TNKS: variants seen among roughly 807,000 people sequenced by gnomAD.
TNKS encodes tankyrase.
Under a neutral mutation model 135.8 loss-of-function variants are expected in TNKS, and 72 were observed. That is an observed-to-expected ratio of 0.53 (90% confidence interval 0.44 to 0.64). The LOEUF (loss-of-function observed/expected upper bound fraction) is 0.64. TNKS is among the 30% of genes least tolerant of loss of function. The pLI is 0.00. For missense variants in TNKS, 1,769 were observed against 1,674.0 expected, an observed-to-expected ratio of 1.06 and a Z score of -0.99; for synonymous variants, 849 against 649.3, an observed-to-expected ratio of 1.31 and a Z score of -4.68.
chr8:9,629,449 A>T (rs1340987893), intron 3 of TNKS, among the ~76,000 whole-genome samples: 1 of 152,186 alleles, frequency 6.6e-6, no homozygotes, highest in Non-Finnish European at 1.5e-5. Flanking sequence ...TCACTTGGAA[A>T]AACATTCAGA....
chr8:9,661,457 A>G (rs1281095837), intron 3 of TNKS, among the ~76,000 whole-genome samples: 3 of 152,090 alleles, frequency 2.0e-5, no homozygotes, highest in African/African-American at 7.2e-5. Context: ...GATTTTTGAC[A>G]AGCCTGACAA....
intron 17 of TNKS, chr8:9,741,712 G>T (rs772224433): frequency 1.9e-6 from 1 of 529,800 alleles, no homozygotes; most frequent in East Asian, 5.5e-5. Context: ...CCACTGTGAA[G>T]ACAGTAAAAT....
At chr8:9,556,718 A>G (rs34848926) in intron 1 of TNKS, 106 bp downstream of exon 1, 6 of 1,307,472 alleles carry the variant, frequency 4.6e-6, no homozygotes, top group African/African-American at 4.5e-5. Context: ...GGGCGTGGTT[A>G]TGGTTCTTCA....
chr8:9,708,288 T>G lies in TNKS; in HGVS notation c.1457-83T>G, dbSNP rs868278108. The G allele has an allele frequency of 1.6e-5, 19 of 1,169,176 alleles. No homozygotes were observed. The African/African-American group carries it at 1.9e-4, about 12-fold the overall frequency. The allele number at this position is 1,169,176 out of a possible 1,614,324, so 72.4% of individuals were successfully genotyped here. Reference sequence around the variant, plus strand: ...AATAGAGAAATTCATAAAATAATAATATTCCTACTTATTTATAATCATGCT... The same window carrying G: ...AATAGAGAAATTCATAAAATAATAAGATTCCTACTTATTTATAATCATGCT... On this transcript the variant is annotated intron_variant, in intron 8 of 26. Transcript: ENST00000310430.
intron 1 of TNKS, among the ~76,000 whole-genome samples, chr8:9,570,827 C>T (rs1797728401): frequency 6.6e-6 from 1 of 152,014 alleles, no homozygotes; most frequent in Non-Finnish European, 1.5e-5. Context: ...TACTGTATAC[C>T]CAGTGTGGTG....
intron 5 of TNKS, among the ~76,000 whole-genome samples, chr8:9,704,433 C>G (rs1803955609): frequency 6.6e-6 from 1 of 152,040 alleles, no homozygotes; most frequent in South Asian, 2.1e-4. Flanking sequence ...GGTTTGATTA[C>G]TGATGGCCTT....
At chr8:9,575,375 C>A in intron 1 of TNKS, 3 of 985,092 alleles carry the variant, frequency 3.0e-6, no homozygotes, top group Non-Finnish European at 3.6e-6. Flanking sequence ...CCGCGCCCGG[C>A]GGATAATTTT....
In TNKS at chr8:9,715,977, C is replaced by T. The variant is rs772472798; in HGVS notation, c.1750-4397C>T. 5.9e-5 allele frequency among the ~76,000 whole-genome samples: 9 copies of T among 152,256 alleles called. No homozygotes were observed. In the South Asian group the frequency reaches 6.2e-4, roughly 11 times the overall value. ...CTGCTCTCATTATTAAGAAAACTTA[C>T]GCCCCAACTGCATATGGTATTCAAG... is the stretch of plus-strand genomic sequence containing the variant. On this transcript the variant is annotated intron_variant, in intron 11 of 26. Coordinates refer to ENST00000310430, the MANE Select transcript of TNKS (RefSeq NM_003747.3).
At chr8:9,634,080 CATATATAT>C (rs35243166) in intron 3 of TNKS, among the ~76,000 whole-genome samples, 4 of 142,202 alleles carry the variant, frequency 2.8e-5, no homozygotes, top group East Asian at 2.0e-4. Context: ...CATTTAACTG[CATATATAT>C]ATATATATAT....
At position 9,708,507 on chromosome 8, in the gene TNKS, T is replaced by G. The variant is rs747888540; in HGVS notation, c.1578+15T>G. On this transcript the variant is annotated intron_variant, in intron 9 of 26. Coordinates refer to ENST00000310430, the MANE Select transcript of TNKS (RefSeq NM_003747.3). Reference sequence around the variant, plus strand: ...AAACAGCACTGGTAAGATTTTATTGTTAATCTATTCCCTGTGTCTATAATA... The same window carrying G: ...AAACAGCACTGGTAAGATTTTATTGGTAATCTATTCCCTGTGTCTATAATA... 2 of 1,576,680 alleles carry G rather than the reference T, an allele frequency of 1.3e-6. No homozygotes were observed. Among genetic ancestry groups the G allele is most frequent in the African/African-American group, 2.7e-5 (2 of 73,680 alleles).
chr8:9,645,240 T>C (rs1269988653), intron 3 of TNKS, among the ~76,000 whole-genome samples: 1 of 152,044 alleles, frequency 6.6e-6, no homozygotes, highest in African/African-American at 2.4e-5. Flanking sequence ...GTGGGGTTTG[T>C]AGAATCCCAA....
At chr8:9,573,549 G>C (rs371030162) in intron 1 of TNKS, among the ~76,000 whole-genome samples, 3 of 152,278 alleles carry the variant, frequency 2.0e-5, no homozygotes, top group South Asian at 4.1e-4. Flanking sequence ...GGCAACTTCA[G>C]GCTAAATTAA....
chr8:9,680,029 G>C, intron 4 of TNKS, 42 bp downstream of exon 4: 1 of 1,474,214 alleles, frequency 6.8e-7, no homozygotes, highest in Non-Finnish European at 9.5e-7. Context: ...AATGCATTAA[G>C]GAAGAGAAGG....
At chr8:9,628,254 C>T (rs1360216648) in intron 3 of TNKS, among the ~76,000 whole-genome samples, 2 of 152,176 alleles carry the variant, frequency 1.3e-5, no homozygotes, top group African/African-American at 2.4e-5. Context: ...TACGGAACTG[C>T]CCATGGTTGC....
chr8:9,720,993 A>C (rs1453940822), intron 12 of TNKS, among the ~76,000 whole-genome samples: 1 of 152,050 alleles, frequency 6.6e-6, no homozygotes, highest in Non-Finnish European at 1.5e-5. Context: ...GCTTAAATAT[A>C]ATTATAGGCC....
chr8:9,720,606 A>C, intron 12 of TNKS, 61 bp downstream of exon 12: 1 of 1,508,242 alleles, frequency 6.6e-7, no homozygotes, highest in Non-Finnish European at 8.9e-7. Context: ...GCTGAAATAC[A>C]CAGACAAACT....
At chr8:9,633,521 A>C (rs1800377042) in intron 3 of TNKS, among the ~76,000 whole-genome samples, 1 of 152,212 alleles carries the variant, frequency 6.6e-6, no homozygotes, top group South Asian at 2.1e-4. Flanking sequence ...GCCTCCAAGA[A>C]GGTGCCCAAT....
intron 11 of TNKS, among the ~76,000 whole-genome samples, chr8:9,713,744 C>G (rs1197652920): frequency 1.3e-5 from 2 of 152,294 alleles, no homozygotes; most frequent in Admixed American, 1.3e-4. Flanking sequence ...TTACCCCATC[C>G]CAAGGCAGGA....
chr8:9,606,726 T>C (rs551919430), intron 2 of TNKS, among the ~76,000 whole-genome samples: 1 of 151,972 alleles, frequency 6.6e-6, no homozygotes, highest in Non-Finnish European at 1.5e-5. Context: ...ATCACATTTT[T>C]CTTTCTCTCT....
Sources: allele counts gnomAD v4.1 joint callset (sites outside exome capture counted in the v4.1 genomes callset), GRCh38; gene constraint gnomAD v4.1.1; transcripts MANE v1.5; gene names NCBI Gene and HGNC (gene_info 2026-07-23, HGNC 2026-07-21).